The following RNF217 variants were observed in gnomAD, a reference collection of about 807,000 sequenced individuals.
RNF217 encodes the protein ring finger protein 217, also known as E3 ubiquitin-protein ligase RNF217.
In RNF217, 31 loss-of-function variants were observed where a neutral mutation model predicts 57.8. The ratio of observed to expected loss-of-function variants is 0.54; its 90% confidence interval spans 0.40 to 0.72. The LOEUF is 0.72. Ranked by LOEUF, RNF217 falls within the 30% of genes least tolerant of loss-of-function variation. The probability of loss-of-function intolerance (pLI) is 0.00; values close to 1 mark genes in which losing one functional copy is unlikely to be tolerated. For missense variants in RNF217, 696 were observed against 708.3 expected (o/e 0.98, Z 0.20); for synonymous variants, 313 against 294.0 (o/e 1.06, Z -0.66).
chr6:125,049,781 G>C (rs2114553212), intron 2 of RNF217, among the ~76,000 whole-genome samples: 1 of 151,962 alleles, frequency 6.6e-6, no homozygotes, highest in South Asian at 2.1e-4. Context: ...GAATATAGTT[G>C]AAAGAAAACA....
chr6:125,029,770 T>G (rs902706774), intron 1 of RNF217, among the ~76,000 whole-genome samples: 5 of 152,202 alleles, frequency 3.3e-5, no homozygotes, highest in Non-Finnish European at 7.3e-5. Flanking sequence ...TAAGTAGTTT[T>G]GAAGATGAAA....
chr6:125,027,288 C>G (rs970286818), intron 1 of RNF217, among the ~76,000 whole-genome samples: 4 of 152,124 alleles, frequency 2.6e-5, no homozygotes, highest in African/African-American at 7.2e-5. Flanking sequence ...ACCATCCCTA[C>G]CTCCCCGCCA....
rs922323013 is a variant in RNF217 at position 125,092,556 on chromosome 6, C to G, written c.*9619C>G. ...CTATTGTATGGATTACTGTGGAGTG[C>G]TGTTTACCACATGATGTGTGCAATA... On this transcript the variant is annotated 3_prime_UTR_variant, in exon 6 of 6. Coordinates refer to ENST00000521654, the MANE Select transcript of RNF217 (RefSeq NM_001286398.3). 1.3e-5 allele frequency: 2 copies of G among 152,146 alleles called. No individual in the cohort carries two copies. Among genetic ancestry groups the G allele is most frequent in the African/African-American group, 4.8e-5 (2 of 41,440 alleles). The allele number at this position is 152,146 out of a possible 1,614,324, so 9.4% of individuals were successfully genotyped here.
chr6:124,990,535 C>A (rs926175944), intron 1 of RNF217, among the ~76,000 whole-genome samples: 1 of 152,156 alleles, frequency 6.6e-6, no homozygotes, highest in African/African-American at 2.4e-5. Context: ...TTCCATTTTT[C>A]CAGTTGCTTA....
At chr6:124,973,743 G>A (rs1020039694) in intron 1 of RNF217, among the ~76,000 whole-genome samples, 1 of 151,982 alleles carries the variant, frequency 6.6e-6, no homozygotes, top group Non-Finnish European at 1.5e-5. Context: ...CTATCACTGA[G>A]GTGTGTCTTC....
At chr6:124,988,887 CATGTAAAG>C (rs1352419829) in intron 1 of RNF217, among the ~76,000 whole-genome samples, 2 of 152,142 alleles carry the variant, frequency 1.3e-5, no homozygotes, top group Admixed American at 6.5e-5. Flanking sequence ...TGTCAGTTGA[CATGTAAAG>C]AGCCAAGGAA....
intron 3 of RNF217, among the ~76,000 whole-genome samples, chr6:125,075,764 C>T (rs497574): frequency 0.65 from 98,808 of 152,054 alleles, 34,295 homozygotes; most frequent in African/African-American, 0.88. Context: ...CAACAAAGTA[C>T]GCACAGATAA....
chr6:125,082,407 T>A, intron 5 of RNF217: 1 of 1,531,374 alleles, frequency 6.5e-7, no homozygotes, highest in Non-Finnish European at 8.8e-7. Context: ...GCAATGTGAG[T>A]TAGGACATTA....
intron 1 of RNF217, among the ~76,000 whole-genome samples, chr6:124,980,360 A>G (rs1214890830): frequency 1.3e-5 from 2 of 152,204 alleles, no homozygotes; most frequent in East Asian, 1.9e-4. Context: ...TAAAACAAAT[A>G]GGAACTACCT....
In RNF217 at chr6:124,963,006, C is replaced by G; in HGVS notation, c.462C>G (p.Arg154=). ...TCCTGGACGTGCTGGGTCAGCGGCG[C>G]CCGTCCCTCGCCAAGAGACAAGTCT... The part of the protein sequence containing the change: ...GLVLDVLGQR[R]PSLAKRQVFC... Residue 154 remains arginine (R), a synonymous_variant, in exon 1 of 6, where the codon CGC becomes CGG. Transcript: ENST00000521654. 3 of 1,595,802 alleles carry G rather than the reference C, an allele frequency of 1.9e-6. No homozygotes were observed. Among genetic ancestry groups the G allele is most frequent in the Non-Finnish European group, 2.5e-6 (3 of 1,178,768 alleles).
chr6:124,985,314 G>A (rs1181773946), intron 1 of RNF217, among the ~76,000 whole-genome samples: 2 of 152,100 alleles, frequency 1.3e-5, no homozygotes, highest in African/African-American at 4.8e-5. Flanking sequence ...TTTAATTTTT[G>A]CGGATACATA....
At chr6:125,032,884 A>G (rs967089826) in intron 1 of RNF217, among the ~76,000 whole-genome samples, 1 of 152,180 alleles carries the variant, frequency 6.6e-6, no homozygotes, top group Non-Finnish European at 1.5e-5. Flanking sequence ...AAACATTAAT[A>G]TCTCATTAAT....
At chr6:125,075,175 A>G (rs1317466922) in intron 3 of RNF217, among the ~76,000 whole-genome samples, 1 of 152,126 alleles carries the variant, frequency 6.6e-6, no homozygotes, top group Admixed American at 6.6e-5. Context: ...CTCATCAGCT[A>G]TCATTAGTGT....
chr6:125,038,895 G>A (rs497969), intron 1 of RNF217, among the ~76,000 whole-genome samples: 5,827 of 151,962 alleles, frequency 0.038, 153 homozygotes, highest in South Asian at 0.082. Context: ...ATAGGTAAAC[G>A]TGTGCCATGG....
chr6:124,976,624 C>T lies in RNF217; in HGVS notation c.882+13198C>T, dbSNP rs144210078. On this transcript the variant is annotated intron_variant, in intron 1 of 5. Coordinates refer to ENST00000521654, the MANE Select transcript of RNF217 (RefSeq NM_001286398.3). ...TAGTGATTCTCTTGCCTCAGCCTCC[C>T]GAGTAGCTGGGACTACAGGTGTGTG... Among the ~76,000 whole-genome samples the T allele has an allele frequency of 4.3e-3, 646 of 148,578 alleles. 7 individuals are homozygous for T. Among genetic ancestry groups the T allele is most frequent in the African/African-American group, 0.015 (612 of 40,142 alleles).
At chr6:125,052,284 TTGTGTGTG>T (rs368469313) in intron 2 of RNF217, among the ~76,000 whole-genome samples, 10 of 143,128 alleles carry the variant, frequency 7.0e-5, no homozygotes, top group South Asian at 4.5e-4. Flanking sequence ...GTCATGCGTT[TTGTGTGTG>T]TGTGTGTGTG....
intron 3 of RNF217, among the ~76,000 whole-genome samples, chr6:125,061,400 T>C (rs1787727529): frequency 6.6e-6 from 1 of 151,770 alleles, no homozygotes; most frequent in Non-Finnish European, 1.5e-5. Flanking sequence ...ATTTTCCTGT[T>C]TGCTTGTAAA....
At chr6:125,066,981 C>G (rs1368947802) in intron 3 of RNF217, among the ~76,000 whole-genome samples, 1 of 109,858 alleles carries the variant, frequency 9.1e-6, no homozygotes, top group Non-Finnish European at 1.8e-5. Context: ...TATTGCACTT[C>G]AGTGGAATGT....
intron 1 of RNF217, among the ~76,000 whole-genome samples, chr6:124,969,860 A>G (rs1197829636): frequency 1.3e-5 from 2 of 152,138 alleles, no homozygotes; most frequent in Non-Finnish European, 2.9e-5. Flanking sequence ...TGATAAATCT[A>G]TAGTTTTGGG....
Sources: gnomAD v4.1 joint callset for allele counts (sites outside exome capture counted in the v4.1 genomes callset) on GRCh38, gnomAD v4.1.1 for gene constraint, MANE v1.5 for transcripts, NCBI Gene and HGNC (gene_info 2026-07-23, HGNC 2026-07-21) for gene names.